Variants in FBXW8 observed in about 807,000 individuals in gnomAD.
FBXW8 encodes the protein F-box/WD repeat-containing protein 8.
Under a neutral mutation model 65.3 loss-of-function variants are expected in FBXW8, and 57 were observed. The observed-to-expected ratio is 0.87, with a 90% CI of 0.71 to 1.09. The LOEUF (loss-of-function observed/expected upper bound fraction) is 1.09, where lower values mean the gene tolerates loss of function less well. Among genes scored for constraint, FBXW8 ranks in the 50% least tolerant of loss-of-function variants. The probability of loss-of-function intolerance (pLI) is 0.00; values close to 1 mark genes in which losing one functional copy is unlikely to be tolerated. For missense variants in FBXW8, 777 were observed against 814.8 expected, an observed-to-expected ratio of 0.95 and a Z score of 0.57; for synonymous variants, 308 against 330.2, an observed-to-expected ratio of 0.93 and a Z score of 0.73.
chr12:116,938,281 G>A (rs769820766), intron 2 of FBXW8, among the ~76,000 whole-genome samples: 4 of 151,992 alleles, frequency 2.6e-5, no homozygotes, highest in African/African-American at 4.8e-5. Flanking sequence ...ATACCTAATT[G>A]TGGATACAAT....
At chr12:116,984,945 G>C (rs1184642787) in intron 5 of FBXW8, among the ~76,000 whole-genome samples, 1 of 152,104 alleles carries the variant, frequency 6.6e-6, no homozygotes, top group Non-Finnish European at 1.5e-5. Context: ...AGCTATGATA[G>C]CACCACTGCA....
rs1953168107 is a variant in FBXW8, at chr12:116,988,873, C to T, written c.1239+4C>T. 6.2e-7 allele frequency: 1 copy of T among 1,611,912 alleles called. No individual in the cohort carries two copies. The highest frequency in any genetic ancestry group is 2.2e-5 in the East Asian group (1 of 44,864). ...ATGGGTGTACGAAGGAAGCAAGGTACACAACTAGCAAGATATATAATTAAC... is the reference window on the plus strand; with the variant it reads ...ATGGGTGTACGAAGGAAGCAAGGTATACAACTAGCAAGATATATAATTAAC... On this transcript the variant is annotated splice_donor_region_variant and intron_variant, in intron 7 of 10. Transcript: ENST00000652555.
At chr12:116,996,764 T>C (rs747375127) in intron 7 of FBXW8, among the ~76,000 whole-genome samples, 1 of 152,136 alleles carries the variant, frequency 6.6e-6, no homozygotes, top group African/African-American at 2.4e-5. Context: ...AAAGGGTCCA[T>C]TGTTGTTGTG....
intron 5 of FBXW8, among the ~76,000 whole-genome samples, chr12:116,968,883 TTTTTTATA>T (rs1195701471): frequency 2.0e-5 from 3 of 152,218 alleles, no homozygotes. Flanking sequence ...TTATGGCTTA[TTTTTTATA>T]TTTTTATCTT....
intron 8 of FBXW8, among the ~76,000 whole-genome samples, chr12:117,019,687 C>A (rs139362953): frequency 1.3e-3 from 193 of 152,232 alleles, no homozygotes; most frequent in Middle Eastern, 6.8e-3. Flanking sequence ...TCAAGAGTAA[C>A]CGAGAATGCC....
intron 5 of FBXW8, among the ~76,000 whole-genome samples, chr12:116,974,441 G>C (rs1029160765): frequency 1.3e-5 from 2 of 152,132 alleles, no homozygotes; most frequent in African/African-American, 4.8e-5. Flanking sequence ...TTAGTAATGG[G>C]GCTAATTCAG....
chr12:116,971,163 G>T (rs1884623854), intron 5 of FBXW8, among the ~76,000 whole-genome samples: 1 of 152,010 alleles, frequency 6.6e-6, no homozygotes, highest in African/African-American at 2.4e-5. Context: ...CAGGAGTTGA[G>T]ACCAGCCTGG....
At chr12:116,998,250 T>G (rs1166557479) in intron 7 of FBXW8, among the ~76,000 whole-genome samples, 2 of 152,238 alleles carry the variant, frequency 1.3e-5, no homozygotes, top group East Asian at 3.8e-4. Context: ...ATGCGAAGCC[T>G]TATTGGAGAG....
At chr12:116,944,833 G>A (rs577035191) in intron 2 of FBXW8, among the ~76,000 whole-genome samples, 1 of 152,236 alleles carries the variant, frequency 6.6e-6, no homozygotes, top group African/African-American at 2.4e-5. Context: ...TGAGTTTTCT[G>A]TTAATTAAAT....
At chr12:116,948,037 T>C (rs569628854) in intron 3 of FBXW8, among the ~76,000 whole-genome samples, 1 of 152,312 alleles carries the variant, frequency 6.6e-6, no homozygotes, top group East Asian at 1.9e-4. Flanking sequence ...TTTGGTTTGG[T>C]ACCTCTTAAG....
At chr12:116,927,951 A>T in intron 1 of FBXW8, 72 bp from the exon 2 acceptor site, 2 of 896,328 alleles carry the variant, frequency 2.2e-6, no homozygotes, top group Non-Finnish European at 3.5e-6. Flanking sequence ...CTGGTCATTT[A>T]AAGGGCCTGT....
At chr12:117,012,784 A>C (rs1031079291) in intron 8 of FBXW8, among the ~76,000 whole-genome samples, 4 of 152,216 alleles carry the variant, frequency 2.6e-5, no homozygotes, top group African/African-American at 9.7e-5. Context: ...TAAAAACTTA[A>C]TTCCCACTGC....
chr12:117,014,858 G>A (rs1442464074), intron 8 of FBXW8, among the ~76,000 whole-genome samples: 1 of 152,116 alleles, frequency 6.6e-6, no homozygotes, highest in East Asian at 1.9e-4. Context: ...AGTATTATGG[G>A]ATCCCTTTCT....
intron 2 of FBXW8, among the ~76,000 whole-genome samples, chr12:116,940,487 G>A (rs1882486319): frequency 1.8e-5 from 2 of 112,982 alleles, no homozygotes; most frequent in Admixed American, 2.3e-4. Flanking sequence ...GTGGAAGGAT[G>A]GTGGGCTTTT....
At chr12:116,995,124 TA>T (rs1953344686) in intron 7 of FBXW8, among the ~76,000 whole-genome samples, 1 of 152,218 alleles carries the variant, frequency 6.6e-6, no homozygotes, top group African/African-American at 2.4e-5. Flanking sequence ...AGTGAATGAC[TA>T]GAACACATGA....
At chr12:117,027,924 C>G (rs1161082591) in intron 10 of FBXW8, 104 bp from the exon 11 acceptor site, 1 of 1,481,166 alleles carries the variant, frequency 6.8e-7, no homozygotes, top group Non-Finnish European at 9.2e-7. Flanking sequence ...TGAAGCTGAA[C>G]CTCTATCTGG....
intron 3 of FBXW8, among the ~76,000 whole-genome samples, chr12:116,947,362 T>G (rs115365898): frequency 7.2e-4 from 109 of 152,226 alleles, no homozygotes; most frequent in African/African-American, 2.5e-3. Context: ...ACAAGGAGAA[T>G]TCTAGGAGTG....
chr12:116,941,404 C>T (rs544072775), intron 2 of FBXW8, among the ~76,000 whole-genome samples: 9 of 152,314 alleles, frequency 5.9e-5, no homozygotes, highest in East Asian at 1.9e-4. Flanking sequence ...GATCTAACTT[C>T]GGATGCTGTG....
At chr12:116,928,489 C>T (rs544045750) in intron 2 of FBXW8, among the ~76,000 whole-genome samples, 1 of 152,260 alleles carries the variant, frequency 6.6e-6, no homozygotes, top group East Asian at 1.9e-4. Flanking sequence ...TAAATCGAGC[C>T]TGTTATTAGG....
Sources: allele counts gnomAD v4.1 joint callset (sites outside exome capture counted in the v4.1 genomes callset), GRCh38; gene constraint gnomAD v4.1.1; transcripts MANE v1.5; gene names NCBI Gene and HGNC (gene_info 2026-07-23, HGNC 2026-07-21).